The following CCDC80 variants were observed in gnomAD, a reference collection of about 807,000 sequenced individuals.
The protein encoded by CCDC80 is coiled-coil domain containing 80.
A neutral mutation model predicts 78.7 loss-of-function variants in CCDC80; 49 were observed. That is an observed-to-expected ratio of 0.62 (90% CI 0.50 to 0.79). CCDC80 has a LOEUF of 0.79. Ranked by LOEUF, CCDC80 falls within the 30% of genes least tolerant of loss-of-function variation. The pLI, the probability that CCDC80 is intolerant of heterozygous loss-of-function variation, is 0.00. For synonymous variants in CCDC80, 488 were observed against 447.0 expected (o/e 1.09, Z -1.16); for missense variants, 1,205 against 1,198.6 (o/e 1.01, Z -0.08).
Position 112,639,916 on chromosome 3 carries a change from A to G in CCDC80, c.-11T>C. ...CATTCTCCATGTCATTGTGTAATCC[A>G]CTTTGCGATGCACGGAGGTCATAAA... is the stretch of plus-strand genomic sequence containing the variant. On this transcript the variant is annotated splice_region_variant and 5_prime_UTR_variant, in exon 2 of 8. Coordinates refer to ENST00000206423, the MANE Select transcript of CCDC80 (RefSeq NM_199511.3). 1.9e-6 allele frequency: 3 copies of G among 1,607,922 alleles called. No homozygotes were observed. The highest frequency in any genetic ancestry group is 1.7e-6 in the Non-Finnish European group (2 of 1,175,734).
intron 2 of CCDC80, among the ~76,000 whole-genome samples, chr3:112,633,753 G>C (rs1258920077): frequency 6.6e-6 from 1 of 151,678 alleles, no homozygotes; most frequent in African/African-American, 2.4e-5. Context: ...CCATTTCAGG[G>C]ACTCTTTCCC....
intron 7 of CCDC80, 80 bp from the exon 8 acceptor site, chr3:112,605,843 C>T: frequency 8.4e-7 from 1 of 1,194,096 alleles, no homozygotes; most frequent in Non-Finnish European, 1.2e-6. Context: ...GAGGAAATTA[C>T]TGTGAGAATA....
Position 112,627,113 on chromosome 3 carries a change from G to A in CCDC80, c.2035+3000C>T, listed in dbSNP as rs568425315. ...CTAAATATTGCTAAGAAAGAAACAT[G>A]CTTGCTGTGCATTTCCCCCCACTTC... On this transcript the variant is annotated intron_variant, in intron 3 of 7. Coordinates refer to ENST00000206423, the MANE Select transcript of CCDC80 (RefSeq NM_199511.3). Among the ~76,000 whole-genome samples, 12 of 152,220 alleles carry A rather than the reference G, an allele frequency of 7.9e-5. No individual in the cohort carries two copies. In the East Asian group the frequency reaches 2.3e-3, roughly 29 times the overall value.
intron 5 of CCDC80, among the ~76,000 whole-genome samples, chr3:112,615,948 T>C (rs1186858196): frequency 6.6e-6 from 1 of 152,254 alleles, no homozygotes; most frequent in Non-Finnish European, 1.5e-5. Flanking sequence ...CTGCTCTGTC[T>C]ATGGAGTAGC....
At chr3:112,609,925 G>A in intron 6 of CCDC80, 53 bp downstream of exon 6, 1 of 1,258,306 alleles carries the variant, frequency 7.9e-7, no homozygotes, top group Non-Finnish European at 1.1e-6. Context: ...TTTTAGAATT[G>A]ACCAGGAGGA....
intron 4 of CCDC80, 125 bp downstream of exon 4, chr3:112,618,843 T>C: frequency 2.8e-6 from 3 of 1,085,568 alleles, no homozygotes; most frequent in Non-Finnish European, 3.9e-6. Flanking sequence ...TTGGCCCATC[T>C]CAAAACTTTC....
intron 3 of CCDC80, among the ~76,000 whole-genome samples, chr3:112,624,302 T>C (rs925827429): frequency 6.6e-6 from 1 of 152,224 alleles, no homozygotes; most frequent in Admixed American, 6.5e-5. Context: ...ATTTAAAATA[T>C]AACGATTCTT....
At chr3:112,609,372 A>G (rs1180675402) in intron 6 of CCDC80, among the ~76,000 whole-genome samples, 2 of 152,178 alleles carry the variant, frequency 1.3e-5, no homozygotes, top group Admixed American at 6.5e-5. Flanking sequence ...ACAGTAAACT[A>G]TGTTTTTCTT....
In CCDC80 at chr3:112,600,313, C is replaced by T. The variant is rs1935351594; in HGVS notation, c.*5104G>A. The T allele has an allele frequency of 6.6e-6, 1 of 152,174 alleles. No individual in the cohort carries two copies. Among genetic ancestry groups the T allele is most frequent in the African/African-American group, 2.4e-5 (1 of 41,438 alleles). The allele number at this position is 152,174 out of a possible 1,614,324, so 9.4% of individuals were successfully genotyped here. A position where few individuals can be genotyped will look rare whatever the true frequency, so the allele number is the denominator to read the frequency against. ...TGCCTGCTCATTAGAGGAAGAAAAGCTCAGATGCATTGCTAACTATTATTT... is the reference window on the plus strand; with the variant it reads ...TGCCTGCTCATTAGAGGAAGAAAAGTTCAGATGCATTGCTAACTATTATTT... On this transcript the variant is annotated 3_prime_UTR_variant, in exon 8 of 8. Transcript: ENST00000206423.
Position 112,639,629 on chromosome 3 carries a change from C to A in CCDC80, c.277G>T (p.Ala93Ser), listed in dbSNP as rs1158697603. 1 of 1,614,140 alleles carries A rather than the reference C, an allele frequency of 6.2e-7. No individual in the cohort carries two copies. Among genetic ancestry groups the A allele is most frequent in the Non-Finnish European group, 8.5e-7 (1 of 1,180,042 alleles). ...GCGGCCCCATTGATGTCCGAGCGGGCTGGCGGCTCTGTTGGGCGAGCTAGT... is the reference window on the plus strand; with the variant it reads ...GCGGCCCCATTGATGTCCGAGCGGGATGGCGGCTCTGTTGGGCGAGCTAGT... ...LRLARPTEPP[A>S]RSDINGAAVR... Residue 93 changes from alanine (A) to serine (S), a missense_variant, in exon 2 of 8, where the codon GCC (alanine) becomes TCC (serine). Ala to Ser is a moderately conservative substitution (Grantham distance 99, BLOSUM62 1). Coordinates refer to ENST00000206423, the MANE Select transcript of CCDC80 (RefSeq NM_199511.3).
Position 112,604,533 on chromosome 3 carries a change from CTT to C in CCDC80, c.*882_*883del, listed in dbSNP as rs1390557593. On this transcript the variant is annotated 3_prime_UTR_variant, in exon 8 of 8. Coordinates refer to ENST00000206423, the MANE Select transcript of CCDC80 (RefSeq NM_199511.3). ...AGACTACTAAAGAGTGTAAACATAA[CTT>C]TTATATGCACTGAGAAACCAAAAAT... 6 of 152,146 alleles carry C rather than the reference CTT, an allele frequency of 3.9e-5. No homozygotes were observed. Among genetic ancestry groups the C allele is most frequent in the African/African-American group, 1.4e-4 (6 of 41,412 alleles). 9.4% of individuals were successfully genotyped at this position (152,146 alleles called of 1,614,324 possible).
chr3:112,638,092 G>A lies in CCDC80; in HGVS notation c.1814C>T (p.Thr605Met), dbSNP rs748961855. The change falls in exon 2 of 8, where the codon ACG (threonine) becomes ATG (methionine). Residue 605 changes from threonine (T) to methionine (M), a missense_variant. By Grantham distance (81) the Thr-to-Met change is moderately conservative (BLOSUM62 -1). Coordinates refer to ENST00000206423, the MANE Select transcript of CCDC80 (RefSeq NM_199511.3). ...GYQKPTNKHF[T>M]QSPKKSVADL... ...GGCCACTGACTTCTTGGGACTCTGC[G>A]TGAAGTGTTTGTTGGTGGGTTTCTG... The A allele has an allele frequency of 9.3e-6, 15 of 1,613,968 alleles. No homozygotes were observed. The highest frequency in any genetic ancestry group is 5.0e-5 in the Admixed American group (3 of 59,970).
At chr3:112,630,333 C>T in intron 2 of CCDC80, 64 bp from the exon 3 acceptor site, 1 of 1,489,128 alleles carries the variant, frequency 6.7e-7, no homozygotes, top group Non-Finnish European at 9.3e-7. Flanking sequence ...GAAGCAAAAC[C>T]CAAAGAGATG....
rs750720921 is a variant in CCDC80, at chr3:112,610,077, G to A, written c.2326C>T (p.Arg776Trp). 2.0e-5 allele frequency: 33 copies of A among 1,612,406 alleles called. No homozygotes were observed. In the East Asian group the frequency reaches 3.6e-4, roughly 17 times the overall value. ...ATCACCAGCAACCTCCTCCTCCACC[G>A]GAACCTGGAAAAAAAAAGCAGGACA... ...QSLENFLSRF[R>W]WRRRLLVISA... is the part of the protein sequence containing the mutation. Residue 776 changes from arginine (R) to tryptophan (W), a missense_variant, in exon 6 of 8, where the codon CGG becomes TGG. Arg to Trp is a moderately radical substitution (Grantham distance 101). Transcript: ENST00000206423.
At chr3:112,629,127 GTTA>G (rs983398248) in intron 3 of CCDC80, among the ~76,000 whole-genome samples, 41 of 152,200 alleles carry the variant, frequency 2.7e-4, no homozygotes, top group Admixed American at 2.2e-3. Context: ...GTGTGATAAT[GTTA>G]TGTGTATTGA....
Position 112,616,810 on chromosome 3 carries a change from C to T in CCDC80, c.2221G>A (p.Asp741Asn). ...ITMKSVFDLI[D>N]TFQSRIKDME... Reference sequence around the variant, plus strand: ...TCTTTGATTCGGGACTGGAAAGTATCGATCAGATCAAACACAGACTTCATT... The same window carrying T: ...TCTTTGATTCGGGACTGGAAAGTATTGATCAGATCAAACACAGACTTCATT... Residue 741 changes from aspartate (D) to asparagine (N), a missense_variant, in exon 5 of 8, where the codon GAT (aspartate) becomes AAT (asparagine). By Grantham distance (23) the Asp-to-Asn change is conservative. Coordinates refer to ENST00000206423, the MANE Select transcript of CCDC80 (RefSeq NM_199511.3). 5 of 1,614,094 alleles carry T rather than the reference C, an allele frequency of 3.1e-6. No individual in the cohort carries two copies. The highest frequency in any genetic ancestry group is 2.2e-5 in the East Asian group (1 of 44,882).
At chr3:112,622,224 C>T (rs1935881903) in intron 3 of CCDC80, among the ~76,000 whole-genome samples, 2 of 152,178 alleles carry the variant, frequency 1.3e-5, no homozygotes, top group African/African-American at 4.8e-5. Context: ...AATTTCAAAG[C>T]CGGTTTTCTT....
chr3:112,625,160 TACTC>T (rs564945173), intron 3 of CCDC80, among the ~76,000 whole-genome samples: 69 of 152,302 alleles, frequency 4.5e-4, no homozygotes, highest in Non-Finnish European at 6.3e-4. Context: ...TGTTCAATCA[TACTC>T]ACAACATGAG....
At chr3:112,605,955 C>A (rs140121640) in intron 7 of CCDC80, among the ~76,000 whole-genome samples, 192 bp from the exon 8 acceptor site, 4 of 152,150 alleles carry the variant, frequency 2.6e-5, no homozygotes, top group Admixed American at 6.5e-5. Context: ...TTCTGCAACA[C>A]GATTAGGGTC....
Sources: gnomAD v4.1 joint callset for allele counts (sites outside exome capture counted in the v4.1 genomes callset) on GRCh38, gnomAD v4.1.1 for gene constraint, MANE v1.5 for transcripts, NCBI Gene and HGNC (gene_info 2026-07-23, HGNC 2026-07-21) for gene names.